The following CLCN2 variants were observed in gnomAD, a reference collection of about 807,000 sequenced individuals.
CLCN2 encodes chloride voltage-gated channel 2, also known as chloride channel protein 2.
A neutral mutation model predicts 108.3 loss-of-function variants in CLCN2; 72 were observed. The observed-to-expected ratio is 0.66, with a 90% CI of 0.55 to 0.81. CLCN2 has a LOEUF of 0.81. Ranked by LOEUF, CLCN2 falls within the 30% of genes least tolerant of loss-of-function variation. The pLI is 0.00. For missense variants in CLCN2, 1,048 were observed against 1,205.2 expected, an observed-to-expected ratio of 0.87 and a Z score of 1.93; for synonymous variants, 471 against 467.1, an observed-to-expected ratio of 1.01 and a Z score of -0.11.
intron 1 of CLCN2, among the ~76,000 whole-genome samples, chr3:184,360,294 G>C (rs1302868528): frequency 6.6e-6 from 1 of 152,036 alleles, no homozygotes; most frequent in Non-Finnish European, 1.5e-5. Context: ...GACAGAGCTC[G>C]ACCCTGAGAG....
chr3:184,352,494 C>T lies in CLCN2; in HGVS notation c.2220G>A (p.Lys740=). Residue 740 remains lysine, a splice_region_variant and synonymous_variant, in exon 20 of 24, where the codon AAG becomes AAA. Coordinates refer to ENST00000265593, the MANE Select transcript of CLCN2 (RefSeq NM_004366.6). The stretch of plus-strand genomic sequence containing the variant: ...GCTTGCGCTTCTCACAGGATTCCAA[C>T]TTCTTCAGTTTTGTTAGAGCCAAAC... The part of the protein sequence containing the change: ...GSPPPEAASE[K]LESCEKRKLK... 2 of 1,612,982 alleles carry T rather than the reference C, an allele frequency of 1.2e-6. No individual in the cohort carries two copies.
intron 10 of CLCN2, 46 bp downstream of exon 10, chr3:184,356,947 C>A (rs1183749747): frequency 1.4e-6 from 2 of 1,406,246 alleles, no homozygotes; most frequent in Non-Finnish European, 2.0e-6. Flanking sequence ...TACTGTGGCC[C>A]TTATACAACT....
chr3:184,360,944 T>C (rs966751723), intron 1 of CLCN2, among the ~76,000 whole-genome samples: 1 of 152,200 alleles, frequency 6.6e-6, no homozygotes, highest in Non-Finnish European at 1.5e-5. Flanking sequence ...GTGTGGAGCC[T>C]CCAGAGGTAG....
At chr3:184,356,819 C>T (rs1331985689) in intron 10 of CLCN2, 174 bp downstream of exon 10, 12 of 636,856 alleles carry the variant, frequency 1.9e-5, no homozygotes, top group Middle Eastern at 4.2e-4. Context: ...TGCCAATTTT[C>T]AGGTAATTCA....
chr3:184,358,924 C>T, intron 2 of CLCN2, 51 bp downstream of exon 2: 1 of 1,613,464 alleles, frequency 6.2e-7, no homozygotes, highest in Non-Finnish European at 8.5e-7. Context: ...ATGGCCTCTG[C>T]TTCCCTCAGC....
chr3:184,357,265 C>T lies in CLCN2; in HGVS notation c.900G>A (p.Glu300=). The part of the protein sequence containing the change: ...RVLAVWNRDE[E]TITALFKTRF... ...GGGTTTTGAAGAGGGCTGTAATAGT[C>T]TCTAAAGGGAAGAACAGCAGAGGGA... The change falls in exon 9 of 24, where the codon GAG becomes GAA. Residue 300 remains glutamate, a splice_region_variant and synonymous_variant. Coordinates refer to ENST00000265593, the MANE Select transcript of CLCN2 (RefSeq NM_004366.6). The T allele has an allele frequency of 6.2e-7, 1 of 1,614,042 alleles. No individual in the cohort carries two copies. Among genetic ancestry groups the T allele is most frequent in the Non-Finnish European group, 8.5e-7 (1 of 1,180,030 alleles).
Position 184,355,368 on chromosome 3 carries a change from G to A in CLCN2, c.1326+6C>T, listed in dbSNP as rs1728468285. ...AAGGTTAGCAGTGTACACGTGAGGA[G>A]CCCACCTTCATGAGAATGAAGATGA... On this transcript the variant is annotated splice_donor_region_variant and intron_variant, in intron 12 of 23. Transcript: ENST00000265593. The surrounding 1 kb of genome is among the most constrained non-coding windows in gnomAD (Gnocchi z 6.3). The A allele has an allele frequency of 1.2e-6, 2 of 1,613,786 alleles. No homozygotes were observed. The highest frequency in any genetic ancestry group is 8.5e-7 in the Non-Finnish European group (1 of 1,180,002).
At position 184,358,842 on chromosome 3, in the gene CLCN2, G is replaced by A. The variant is rs201514582; in HGVS notation, c.221-29C>T. On this transcript the variant is annotated intron_variant, in intron 2 of 23. Coordinates refer to ENST00000265593, the MANE Select transcript of CLCN2 (RefSeq NM_004366.6). Reference sequence around the variant, plus strand: ...GGTGCAGGGAAGGGAAGAAGGGGGAGGATGGCACCAAAGTGCTCCTACCCC... The same window carrying A: ...GGTGCAGGGAAGGGAAGAAGGGGGAAGATGGCACCAAAGTGCTCCTACCCC... 1,300 of 1,613,968 alleles carry A rather than the reference G, an allele frequency of 8.1e-4. 1 individual carries two copies. The highest frequency in any genetic ancestry group is 1.0e-3 in the Non-Finnish European group (1,233 of 1,179,956).
In CLCN2 at chr3:184,352,039, G is replaced by T; in HGVS notation, c.2389C>A (p.Leu797Met). The change falls in exon 22 of 24, where the codon CTG becomes ATG. Residue 797 changes from leucine to methionine, a missense_variant. Physicochemically the swap from Leu to Met is conservative, Grantham distance 15 (BLOSUM62 2). Transcript: ENST00000265593. The part of the protein sequence containing the change: ...DCKIDPAPFQ[L>M]VERTSLHKTH... Reference sequence around the variant, plus strand: ...TTGTGCAAAGAGGTCCGCTCCACCAGCTGGAAGGGAGCAGGATCAATTTTG... The same window carrying T: ...TTGTGCAAAGAGGTCCGCTCCACCATCTGGAAGGGAGCAGGATCAATTTTG... 6.2e-7 allele frequency: 1 copy of T among 1,613,686 alleles called. No individual in the cohort carries two copies. Among genetic ancestry groups the T allele is most frequent in the Non-Finnish European group, 8.5e-7 (1 of 1,179,800 alleles).
In CLCN2 at chr3:184,346,649, G is replaced by C; in HGVS notation, c.2654C>G (p.Pro885Arg). Residue 885 changes from proline to arginine, a missense_variant, in exon 24 of 24, where the codon CCC becomes CGC. Coordinates refer to ENST00000265593, the MANE Select transcript of CLCN2 (RefSeq NM_004366.6). This position sits in a 1 kb window ranked among gnomAD's most constrained non-coding sequence, Gnocchi z 6.0. ...LWGPHSRHGLPREGSPSDSDD... is the reference protein window; with the variant it reads ...LWGPHSRHGLRREGSPSDSDD... The stretch of plus-strand genomic sequence containing the variant: ...GCTGTCGGAAGGGCTGCCCTCCCGG[G>C]GGAGGCCATGACGGGAGTGGGGCCC... The C allele has an allele frequency of 6.2e-7, 1 of 1,614,166 alleles. No homozygotes were observed. Among genetic ancestry groups the C allele is most frequent in the Non-Finnish European group, 8.5e-7 (1 of 1,180,040 alleles).
chr3:184,354,486 AC>A (rs1378340373), intron 14 of CLCN2, 61 bp downstream of exon 14: 1 of 1,338,386 alleles, frequency 7.5e-7, no homozygotes, highest in Non-Finnish European at 1.1e-6. Context: ...AGAGTCTCGG[AC>A]CCTGTGGCTG....
At position 184,353,241 on chromosome 3, in the gene CLCN2, TC is replaced by T; in HGVS notation, c.2028+8del. 6.2e-7 allele frequency: 1 copy of T among 1,613,972 alleles called. No individual in the cohort carries two copies. The highest frequency in any genetic ancestry group is 1.1e-5 in the South Asian group (1 of 91,090). Reference sequence around the variant, plus strand: ...ACATTTAGGAAGCGTTTGTGGCTTTTCCCCTCACCTGGAAGCAGACAGAAGC... The same window carrying T: ...ACATTTAGGAAGCGTTTGTGGCTTTTCCCTCACCTGGAAGCAGACAGAAGC... On this transcript the variant is annotated splice_region_variant and intron_variant, in intron 17 of 23. Transcript: ENST00000265593.
At position 184,358,314 on chromosome 3, in the gene CLCN2, T is replaced by G; in HGVS notation, c.353-4A>C. On this transcript the variant is annotated splice_region_variant and splice_polypyrimidine_tract_variant and intron_variant, in intron 3 of 23. Transcript: ENST00000265593. ...CCCCGGGACATCCACTGCTGGGCTGTGGGAAGAGGACCTGCTGGACCCCCA... is the reference window on the plus strand; with the variant it reads ...CCCCGGGACATCCACTGCTGGGCTGGGGGAAGAGGACCTGCTGGACCCCCA... The G allele has an allele frequency of 6.2e-7, 1 of 1,613,602 alleles. No individual in the cohort carries two copies. Among genetic ancestry groups the G allele is most frequent in the Non-Finnish European group, 8.5e-7 (1 of 1,179,996 alleles).
At chr3:184,351,754 T>C (rs1728113323) in intron 22 of CLCN2, among the ~76,000 whole-genome samples, 1 of 152,200 alleles carries the variant, frequency 6.6e-6, no homozygotes, top group Non-Finnish European at 1.5e-5. Flanking sequence ...CCTGTCTTTG[T>C]TGCTTCGTTG....
Position 184,353,275 on chromosome 3 carries a change from G to A in CLCN2, c.2003C>T (p.Thr668Ile), listed in dbSNP as rs9820367. Residue 668 changes from threonine to isoleucine, a missense_variant, in exon 17 of 24, where the codon ACC becomes ATC. Physicochemically the swap from Thr to Ile is moderately conservative, Grantham distance 89. Transcript: ENST00000265593. ...CTGGAAGCAGACAGAAGCCTCAGGG[G>A]TAGGGGGACCCTCCTGATCAGATAG... is the stretch of plus-strand genomic sequence containing the variant. ...SPLSDQEGPP[T>I]PEASVCFQVN... 1.9e-6 allele frequency: 3 copies of A among 1,613,814 alleles called. No homozygotes were observed. Among genetic ancestry groups the A allele is most frequent in the Non-Finnish European group, 1.7e-6 (2 of 1,179,950 alleles).
Position 184,354,149 on chromosome 3 carries a change from C to T in CLCN2, c.1673G>A (p.Arg558Gln), listed in dbSNP as rs199539697. Residue 558 changes from arginine (R) to glutamine (Q), a missense_variant, in exon 15 of 24, where the codon CGA becomes CAA. Coordinates refer to ENST00000265593, the MANE Select transcript of CLCN2 (RefSeq NM_004366.6). ...LQPSLYDSII[R>Q]IKKLPYLPEL... ...AGGCAGGTAGGGCAGTTTCTTGATT[C>T]GGATGATGCTGTCATAGAGGGAGGG... 1.2e-5 allele frequency: 20 copies of T among 1,612,846 alleles called. No individual in the cohort carries two copies. The highest frequency in any genetic ancestry group is 1.7e-5 in the Admixed American group (1 of 59,904).
chr3:184,355,049 G>A lies in CLCN2; in HGVS notation c.1327-76C>T. 7.2e-7 allele frequency: 1 copy of A among 1,387,308 alleles called. No individual in the cohort carries two copies. The highest frequency in any genetic ancestry group is 1.0e-6 in the Non-Finnish European group (1 of 976,308). 85.9% of individuals were successfully genotyped at this position (1,387,308 alleles called of 1,614,324 possible). ...CAGCCCACAGCGCCACCCAGGAGAA[G>A]TCTACCTCGCTGATCAGGTGGGCGT... On this transcript the variant is annotated intron_variant, in intron 12 of 23. Coordinates refer to ENST00000265593, the MANE Select transcript of CLCN2 (RefSeq NM_004366.6). The surrounding 1 kb of genome is among the most constrained non-coding windows in gnomAD (Gnocchi z 6.3).
chr3:184,360,192 G>A (rs1711841761), intron 1 of CLCN2, among the ~76,000 whole-genome samples: 1 of 151,962 alleles, frequency 6.6e-6, no homozygotes, highest in Non-Finnish European at 1.5e-5. Flanking sequence ...GGCAAGCACG[G>A]TGTAGGAGGA....
In CLCN2 at chr3:184,354,644, G is replaced by A. The variant is rs773725525; in HGVS notation, c.1411C>T (p.Arg471Cys). The A allele has an allele frequency of 4.3e-6, 6 of 1,405,194 alleles. No individual in the cohort carries two copies. Among genetic ancestry groups the A allele is most frequent in the South Asian group, 1.1e-5 (1 of 87,992 alleles). 87.0% of individuals were successfully genotyped at this position (1,405,194 alleles called of 1,614,324 possible). A position where few individuals can be genotyped will look rare whatever the true frequency, so the allele number is the denominator to read the frequency against. Reference protein sequence around the residue: ...PVFVIGAAFGRLVGESMAAWF... With the variant: ...PVFVIGAAFGCLVGESMAAWF... Reference sequence around the variant, plus strand: ...GCAGCCATGCTTTCACCCACCAGACGCCCAAATGCTGCTCCTTCAGGGAGG... The same window carrying A: ...GCAGCCATGCTTTCACCCACCAGACACCCAAATGCTGCTCCTTCAGGGAGG... Residue 471 changes from arginine (R) to cysteine (C), a missense_variant, in exon 14 of 24, where the codon CGT becomes TGT. Arg to Cys is a radical substitution (Grantham distance 180). Transcript: ENST00000265593.
Sources: allele counts gnomAD v4.1 joint callset (sites outside exome capture counted in the v4.1 genomes callset), GRCh38; gene constraint gnomAD v4.1.1; non-coding constraint Gnocchi (gnomAD v3.1); transcripts MANE v1.5; gene names NCBI Gene and HGNC (gene_info 2026-07-23, HGNC 2026-07-21).